Variants in ARHGAP40 observed in about 807,000 individuals in gnomAD.
ARHGAP40 encodes rho GTPase-activating protein 40.
In ARHGAP40, 43 loss-of-function variants were observed where a neutral mutation model predicts 73.5. The ratio of observed to expected loss-of-function variants is 0.58; its 90% CI spans 0.46 to 0.75. ARHGAP40 has a LOEUF of 0.75. Ranked by LOEUF, ARHGAP40 falls within the 30% of genes least tolerant of loss-of-function variation. The pLI, the probability that ARHGAP40 is intolerant of heterozygous loss-of-function variation, is 0.00. For missense variants in ARHGAP40, 734 were observed against 861.8 expected (o/e 0.85, Z 1.86); for synonymous variants, 300 against 352.8 (o/e 0.85, Z 1.68).
rs1242869256 is a variant in ARHGAP40 at position 38,646,067 on chromosome 20, C to T, written c.1590C>T (p.Ala530=). Residue 530 remains alanine (A), a synonymous_variant, in exon 12 of 15, where the codon GCC becomes GCT. Coordinates refer to ENST00000373345, the Ensembl canonical transcript of ARHGAP40. The surrounding 1 kb of genome is among the most constrained non-coding windows in gnomAD (Gnocchi z 4.5). Reference sequence around the variant, plus strand: ...GCCAGGTCGCCTCTTTCCTGGTCGCCCAGGTGCGAAAACTGAACGACAGTA... The same window carrying T: ...GCCAGGTCGCCTCTTTCCTGGTCGCTCAGGTGCGAAAACTGAACGACAGTA... The T allele has an allele frequency of 3.8e-6, 5 of 1,304,050 alleles. No homozygotes were observed. Among genetic ancestry groups the T allele is most frequent in the Non-Finnish European group, 5.1e-6 (5 of 988,740 alleles). 80.8% of individuals were successfully genotyped at this position (1,304,050 alleles called of 1,614,324 possible). A position where few individuals can be genotyped will look rare whatever the true frequency, so the allele number is the denominator to read the frequency against.
At chr20:38,615,982 G>C (rs1405038442) in intron 1 of ARHGAP40, among the ~76,000 whole-genome samples, 1 of 152,176 alleles carries the variant, frequency 6.6e-6, no homozygotes, top group African/African-American at 2.4e-5. Context: ...TGCTTACTGG[G>C]CTGTGGTCTG....
intron 1 of ARHGAP40, among the ~76,000 whole-genome samples, chr20:38,618,586 G>A (rs6026834): frequency 0.018 from 2,737 of 152,176 alleles, 83 homozygotes; most frequent in African/African-American, 0.063. Context: ...GAATGGCTGC[G>A]GGTGACTTCA....
chr20:38,601,903 G>A (rs745583145), exon 1 of ARHGAP40: 32 of 1,286,846 alleles, frequency 2.5e-5, no homozygotes, highest in Middle Eastern at 6.5e-4. Flanking sequence ...CCCCACGGCG[G>A]CAGCACCACG....
intron 6 of ARHGAP40, among the ~76,000 whole-genome samples, chr20:38,635,939 T>C (rs990806817): frequency 6.6e-6 from 1 of 152,066 alleles, no homozygotes; most frequent in African/African-American, 2.4e-5. Context: ...GTTGGCTGAG[T>C]GTAGGTCTGC....
At chr20:38,634,649 C>A (rs761466637) in exon 6 of ARHGAP40, 2 of 1,305,428 alleles carry the variant, frequency 1.5e-6, no homozygotes, top group Non-Finnish European at 2.0e-6. Context: ...GCAGACTTGG[C>A]GTGACGAGGA....
intron 1 of ARHGAP40, among the ~76,000 whole-genome samples, chr20:38,611,523 T>A (rs1349304302): frequency 6.8e-6 from 1 of 146,472 alleles, no homozygotes; most frequent in Non-Finnish European, 1.5e-5. Context: ...GCTCAAGCAA[T>A]CCTCCTGCCC....
intron 1 of ARHGAP40, chr20:38,615,598 A>G: frequency 2.1e-6 from 1 of 478,312 alleles, no homozygotes; most frequent in Non-Finnish European, 3.8e-6. Flanking sequence ...AAGAGGTCCA[A>G]TTTCTATCCT....
Position 38,641,823 on chromosome 20 carries a change from GCAC to G in ARHGAP40, c.1362+25_1362+27del. Reference sequence around the variant, plus strand: ...ATGCCTTAAAGGTAAGAGTTACCATGCACCACCACCACTCTGCCATCTCAGCCC... The same window carrying G: ...ATGCCTTAAAGGTAAGAGTTACCATGCACCACCACTCTGCCATCTCAGCCC... On this transcript the variant is annotated intron_variant, in intron 10 of 14. Coordinates refer to ENST00000373345, the Ensembl canonical transcript of ARHGAP40. 2 of 1,274,986 alleles carry G rather than the reference GCAC, an allele frequency of 1.6e-6. No homozygotes were observed. The highest frequency in any genetic ancestry group is 6.3e-5 in the East Asian group (1 of 15,798). The allele number at this position is 1,274,986 out of a possible 1,614,324, so 79.0% of individuals were successfully genotyped here.
At chr20:38,623,405 C>A (rs1364186394) in exon 2 of ARHGAP40, 1 of 1,290,912 alleles carries the variant, frequency 7.7e-7, no homozygotes, top group East Asian at 5.5e-5. Flanking sequence ...CCAGAAGAAT[C>A]TCCTGCGACT....
chr20:38,639,195 CAACT>C, intron 8 of ARHGAP40, 28 bp from the exon 9 acceptor site: 1 of 1,303,014 alleles, frequency 7.7e-7, no homozygotes. Flanking sequence ...AGCCCTGGGC[CAACT>C]GTGTTTTCAT....
rs147139005 is a variant in ARHGAP40, at chr20:38,601,910, C to A, written c.-33C>A. 1,005 of 1,287,340 alleles carry A rather than the reference C, an allele frequency of 7.8e-4. 14 individuals carry two copies. In the African/African-American group the frequency reaches 0.013, roughly 17 times the overall value. The allele number at this position is 1,287,340 out of a possible 1,614,324, so 79.7% of individuals were successfully genotyped here. ...CGAGTCAGCCCCACGGCGGCAGCAC[C>A]ACGACCGACCGGGATCCTCGAGGTG... On this transcript the variant is annotated 5_prime_UTR_variant, in exon 1 of 15. Transcript: ENST00000373345.
chr20:38,650,039 G>C (rs1259016428), exon 15 of ARHGAP40: 1 of 377,710 alleles, frequency 2.6e-6, no homozygotes, highest in Non-Finnish European at 5.1e-6. Flanking sequence ...CACTCAGAGG[G>C]GATGAGGGGC....
chr20:38,620,442 C>A (rs148501185), intron 1 of ARHGAP40, among the ~76,000 whole-genome samples: 1 of 152,204 alleles, frequency 6.6e-6, no homozygotes, highest in Non-Finnish European at 1.5e-5. Context: ...GAAATAATTG[C>A]TGCCCCCTCA....
chr20:38,616,475 A>C (rs953281530), intron 1 of ARHGAP40, among the ~76,000 whole-genome samples: 4 of 152,252 alleles, frequency 2.6e-5, no homozygotes, highest in African/African-American at 9.6e-5. Context: ...CTCACCAACC[A>C]CAGGCTGCAT....
rs1021583980 is a variant in ARHGAP40, at chr20:38,643,909, C to T, written c.1568C>T (p.Thr523Met). 1.4e-5 allele frequency: 18 copies of T among 1,296,672 alleles called. No individual in the cohort carries two copies. The highest frequency in any genetic ancestry group is 9.1e-5 in the African/African-American group (6 of 65,772). The allele number at this position is 1,296,672 out of a possible 1,614,324, so 80.3% of individuals were successfully genotyped here. A position where few individuals can be genotyped will look rare whatever the true frequency, so the allele number is the denominator to read the frequency against. The change falls in exon 11 of 15, where the codon ACG becomes ATG. Residue 523 changes from threonine to methionine, a missense_variant and splice_region_variant. Thr to Met is a moderately conservative substitution (Grantham distance 81). Coordinates refer to ENST00000373345, the Ensembl canonical transcript of ARHGAP40. The stretch of plus-strand genomic sequence containing the variant: ...GTGCACTACCAGGATCTGCTGTGGA[C>T]GGTGAGTGCTGCTGGGCGCTGGGTA...
chr20:38,641,542 G>C (rs923633074), intron 9 of ARHGAP40, among the ~76,000 whole-genome samples, 184 bp from the exon 10 acceptor site: 2 of 152,132 alleles, frequency 1.3e-5, no homozygotes, highest in Non-Finnish European at 2.9e-5. Flanking sequence ...AACCTCCCAC[G>C]AGCACTGGTC....
intron 5 of ARHGAP40, among the ~76,000 whole-genome samples, chr20:38,633,808 CT>C (rs2088956708): frequency 6.6e-6 from 1 of 152,184 alleles, no homozygotes; most frequent in Admixed American, 6.5e-5. Flanking sequence ...CCAAGGTGGC[CT>C]CTAGATGGCA....
intron 4 of ARHGAP40, 120 bp from the exon 5 acceptor site, chr20:38,629,382 T>C (rs1045685291): frequency 9.5e-7 from 1 of 1,055,624 alleles, no homozygotes; most frequent in African/African-American, 1.7e-5. Flanking sequence ...CCTGGGGCTT[T>C]GAACTTGAGC....
At chr20:38,626,972 C>T in intron 2 of ARHGAP40, 23 bp from the exon 3 acceptor site, 2 of 1,301,230 alleles carry the variant, frequency 1.5e-6, no homozygotes, top group Non-Finnish European at 2.0e-6. Context: ...GTGTGTTCAT[C>T]TGGGTTCTAC....
Sources: allele counts gnomAD v4.1 joint callset (sites outside exome capture counted in the v4.1 genomes callset), GRCh38; gene constraint gnomAD v4.1.1; non-coding constraint Gnocchi (gnomAD v3.1); transcripts MANE v1.5; gene names NCBI Gene and HGNC (gene_info 2026-07-23, HGNC 2026-07-21).